Variants in BTBD2 observed in about 807,000 individuals in gnomAD.
The protein encoded by BTBD2 is BTB domain containing 2, also known as BTB/POZ domain-containing protein 2.
BTBD2 carries 15 observed loss-of-function variants against 44.0 expected under a neutral mutation model. The ratio of observed to expected loss-of-function variants is 0.34; its 90% confidence interval spans 0.23 to 0.53. The LOEUF is 0.53. Among genes scored for constraint, BTBD2 ranks in the 20% least tolerant of loss-of-function variants. BTBD2 has a pLI of 0.95. For missense variants in BTBD2, 657 were observed against 746.4 expected, an observed-to-expected ratio of 0.88 and a Z score of 1.39; for synonymous variants, 443 against 335.9, an observed-to-expected ratio of 1.32 and a Z score of -3.49.
At chr19:1,997,699 C>A (rs1201963078) in intron 1 of BTBD2, among the ~76,000 whole-genome samples, 1 of 152,224 alleles carries the variant, frequency 6.6e-6, no homozygotes, top group Non-Finnish European at 1.5e-5. Flanking sequence ...CTGGGCCACA[C>A]AGGGCCTCAC....
intron 1 of BTBD2, chr19:2,002,873 T>C (rs2016347524): frequency 1.2e-5 from 1 of 82,038 alleles, no homozygotes; most frequent in Non-Finnish European, 2.0e-5. Flanking sequence ...TGAGACTCCG[T>C]CTCAAAAAAA....
intron 1 of BTBD2, among the ~76,000 whole-genome samples, chr19:1,997,704 C>A (rs1279049460): frequency 6.6e-6 from 1 of 152,228 alleles, no homozygotes; most frequent in Non-Finnish European, 1.5e-5. Flanking sequence ...CCACACAGGG[C>A]CTCACGCTCT....
In BTBD2 at chr19:1,993,091, G is replaced by A; in HGVS notation, c.613C>T (p.Leu205Phe). 6.2e-7 allele frequency: 1 copy of A among 1,608,990 alleles called. No individual in the cohort carries two copies. Among genetic ancestry groups the A allele is most frequent in the Non-Finnish European group, 8.5e-7 (1 of 1,179,744 alleles). The change falls in exon 3 of 9, where the codon CTC (leucine) becomes TTC (phenylalanine). Residue 205 changes from leucine to phenylalanine, a missense_variant. By Grantham distance (22) the Leu-to-Phe change is conservative. Coordinates refer to ENST00000255608, the MANE Select transcript of BTBD2 (RefSeq NM_017797.4). ...YTAKKYAVPA[L>F]EAHCVEFLKK... ...AGGAACTCCACGCAATGGGCCTCGA[G>A]CGCTGGCACCGCGTACTTCTTGGCG...
intron 2 of BTBD2, among the ~76,000 whole-genome samples, chr19:1,996,236 T>A (rs1304622041): frequency 6.6e-6 from 1 of 152,222 alleles, no homozygotes; most frequent in African/African-American, 2.4e-5. Flanking sequence ...AATCAGAAAG[T>A]ATGAGCCCTC....
rs1482907927 is a variant in BTBD2, at chr19:1,986,380, G to A, written c.*108C>T. 6.6e-6 allele frequency: 9 copies of A among 1,372,178 alleles called. No individual in the cohort carries two copies. The highest frequency in any genetic ancestry group is 9.2e-6 in the Non-Finnish European group (9 of 980,998). The allele number at this position is 1,372,178 out of a possible 1,614,324, so 85.0% of individuals were successfully genotyped here. ...GTGGCATGGAGTGGACAGACGGCCT[G>A]GGGGACACTGGGCCTGGCACCGCGT... On this transcript the variant is annotated 3_prime_UTR_variant, in exon 9 of 9. Transcript: ENST00000255608.
intron 1 of BTBD2, chr19:2,013,427 G>C: frequency 1.2e-6 from 1 of 833,664 alleles, no homozygotes; most frequent in Non-Finnish European, 1.4e-6. Context: ...CCCGGAGCTG[G>C]GGGTCTCTGG....
chr19:2,014,967 T>G (rs1599364384), intron 1 of BTBD2, among the ~76,000 whole-genome samples: 1 of 142,410 alleles, frequency 7.0e-6, no homozygotes, highest in East Asian at 2.1e-4. Flanking sequence ...GACAGAGGGG[T>G]GCAGAGCCCA....
chr19:2,001,963 A>G (rs1287840484), intron 1 of BTBD2, among the ~76,000 whole-genome samples: 1 of 151,806 alleles, frequency 6.6e-6, no homozygotes. Context: ...GTGGCCTCGA[A>G]CTCCTGACGT....
At chr19:1,995,615 G>A (rs1007523107) in intron 2 of BTBD2, among the ~76,000 whole-genome samples, 11 of 149,070 alleles carry the variant, frequency 7.4e-5, no homozygotes, top group African/African-American at 2.7e-4. Flanking sequence ...TACAGGTCTA[G>A]ATCTTACATT....
intron 1 of BTBD2, among the ~76,000 whole-genome samples, chr19:2,010,350 G>A (rs928045795): frequency 2.0e-5 from 3 of 152,126 alleles, no homozygotes; most frequent in Non-Finnish European, 2.9e-5. Context: ...TGAGATGGAC[G>A]GGTGCCCATC....
At position 1,986,216 on chromosome 19, in the gene BTBD2, C is replaced by G. The variant is rs1169607740; in HGVS notation, c.*272G>C. The G allele has an allele frequency of 1.1e-5, 5 of 453,744 alleles. No homozygotes were observed. The highest frequency in any genetic ancestry group is 1.6e-5 in the Non-Finnish European group (4 of 252,118). 28.1% of individuals were successfully genotyped at this position (453,744 alleles called of 1,614,324 possible). A position where few individuals can be genotyped will look rare whatever the true frequency, so the allele number is the denominator to read the frequency against. ...GCGGGTCCGTGGGCCCTGGCCCAGGCCGGCACAGCCCTGTCCCTAGTCCTG... is the reference window on the plus strand; with the variant it reads ...GCGGGTCCGTGGGCCCTGGCCCAGGGCGGCACAGCCCTGTCCCTAGTCCTG... On this transcript the variant is annotated 3_prime_UTR_variant, in exon 9 of 9. Transcript: ENST00000255608.
intron 5 of BTBD2, among the ~76,000 whole-genome samples, chr19:1,989,164 T>A (rs577407880): frequency 6.6e-6 from 1 of 152,236 alleles, no homozygotes; most frequent in South Asian, 2.1e-4. Flanking sequence ...GAGGCCGAGA[T>A]GGGAGGATGG....
rs1555686704 is a variant in BTBD2 at position 1,996,560 on chromosome 19, A to AAAAG, written c.527+783_527+784insCTTT. On this transcript the variant is annotated intron_variant, in intron 2 of 8. Transcript: ENST00000255608. ...GCAAAACTGTCAAAAAAAAAAAAAA[A>AAAAG]AAGAAGGAAAGAAAAGAAAAGAAAA... Among the ~76,000 whole-genome samples, 7 of 151,248 alleles carry AAAAG rather than the reference A, an allele frequency of 4.6e-5. No homozygotes were observed. The East Asian group carries it at 1.4e-3, about 29-fold the overall frequency.
intron 5 of BTBD2, among the ~76,000 whole-genome samples, chr19:1,989,161 A>AGAT (rs1323923361): frequency 6.6e-6 from 1 of 152,168 alleles, no homozygotes; most frequent in East Asian, 1.9e-4. Context: ...TGTGAGGCCG[A>AGAT]GATGGGAGGA....
At chr19:2,000,757 G>A (rs1398261609) in intron 1 of BTBD2, among the ~76,000 whole-genome samples, 1 of 152,146 alleles carries the variant, frequency 6.6e-6, no homozygotes, top group African/African-American at 2.4e-5. Flanking sequence ...GCTCACAGCA[G>A]CACGATTCCC....
Position 2,015,535 on chromosome 19 carries a change from G to T in BTBD2, c.169C>A (p.Pro57Thr). The change falls in exon 1 of 9, where the codon CCG becomes ACG. Residue 57 changes from proline (P) to threonine (T), a missense_variant. Transcript: ENST00000255608. Reference protein sequence around the residue: ...AAAAAAAAPGPTPPAPPGPGT... With the variant: ...AAAAAAAAPGTTPPAPPGPGT... ...GGGCCCGGCGGGGCGGGCGGCGTCG[G>T]CCCAGGGGCGGCGGCGGCGGCGGCG... The T allele has an allele frequency of 1.1e-6, 1 of 940,522 alleles. No homozygotes were observed. The highest frequency in any genetic ancestry group is 4.9e-5 in the South Asian group (1 of 20,428). 58.3% of individuals were successfully genotyped at this position (940,522 alleles called of 1,614,324 possible).
intron 1 of BTBD2, among the ~76,000 whole-genome samples, chr19:2,000,202 T>C (rs1328504203): frequency 6.6e-6 from 1 of 151,982 alleles, no homozygotes; most frequent in Non-Finnish European, 1.5e-5. Context: ...ACCCCCCCAG[T>C]GTGTGGGCAT....
rs201500465 is a variant in BTBD2 at position 1,986,551 on chromosome 19, G to T, written c.1515C>A (p.Ala505=). 2 of 1,614,094 alleles carry T rather than the reference G, an allele frequency of 1.2e-6. No homozygotes were observed. Among genetic ancestry groups the T allele is most frequent in the South Asian group, 2.2e-5 (2 of 91,088 alleles). The part of the protein sequence containing the change: ...AKTCFTFCYA[A]GNNNGTSVED... Reference sequence around the variant, plus strand: ...CCACGGATGTGCCATTGTTGTTCCCGGCCGCGTAGCAAAAGGTGAAGCAGG... The same window carrying T: ...CCACGGATGTGCCATTGTTGTTCCCTGCCGCGTAGCAAAAGGTGAAGCAGG... Residue 505 remains alanine (A), a synonymous_variant, in exon 9 of 9, where the codon GCC becomes GCA. Transcript: ENST00000255608.
At chr19:2,000,081 G>A (rs959517872) in intron 1 of BTBD2, among the ~76,000 whole-genome samples, 1 of 152,218 alleles carries the variant, frequency 6.6e-6, no homozygotes, top group African/African-American at 2.4e-5. Flanking sequence ...CCAGAAGCTG[G>A]GTGGGGCAGG....
Sources: allele counts gnomAD v4.1 joint callset (sites outside exome capture counted in the v4.1 genomes callset), GRCh38; gene constraint gnomAD v4.1.1; transcripts MANE v1.5; gene names NCBI Gene and HGNC (gene_info 2026-07-23, HGNC 2026-07-21).